The following PCGF2 variants were observed in gnomAD, a reference collection of about 807,000 sequenced individuals.
PCGF2 encodes polycomb group ring finger 2.
A neutral mutation model predicts 36.1 loss-of-function variants in PCGF2; 8 were observed. The ratio of observed to expected loss-of-function variants is 0.22; its 90% CI spans 0.13 to 0.40. PCGF2 has a LOEUF of 0.40. Among genes scored for constraint, PCGF2 ranks in the 10% least tolerant of loss-of-function variants. The pLI is 1.00. For synonymous variants in PCGF2, 198 were observed against 191.2 expected, an observed-to-expected ratio of 1.04 and a Z score of -0.29; for missense variants, 436 against 475.9, an observed-to-expected ratio of 0.92 and a Z score of 0.78.
chr17:38,740,027 G>A (rs1015530054), intron 3 of PCGF2, among the ~76,000 whole-genome samples: 17 of 152,222 alleles, frequency 1.1e-4, no homozygotes, highest in African/African-American at 3.6e-4. Flanking sequence ...GGGTGTCCGC[G>A]TCTTCAGGGC....
chr17:38,735,450 G>T lies in PCGF2; in HGVS notation c.808C>A (p.Pro270Thr). ...SDKAPSPATL[P>T]ATSSSLPSPA... The stretch of plus-strand genomic sequence containing the variant: ...CTGGGCAGGGAGGAGGAGGTGGCTG[G>T]CAGGGTGGCAGGGCTGGGAGCCTTG... The change falls in exon 11 of 11, where the codon CCA becomes ACA. Residue 270 changes from proline to threonine, a missense_variant. Pro to Thr is a conservative substitution (Grantham distance 38). This residue lies in a region of PCGF2 where 227 missense variants were observed against 212.9 expected (regional missense o/e 1.07). Coordinates refer to ENST00000620225, the MANE Select transcript of PCGF2 (RefSeq NM_007144.3). The T allele has an allele frequency of 6.3e-7, 1 of 1,586,578 alleles. No homozygotes were observed. Among genetic ancestry groups the T allele is most frequent in the Non-Finnish European group, 8.6e-7 (1 of 1,166,180 alleles).
rs746398641 is a variant in PCGF2, at chr17:38,735,496, G to T, written c.762C>A (p.Ser254=). The T allele has an allele frequency of 1.3e-6, 2 of 1,593,638 alleles. 1 individual carries two copies. Among genetic ancestry groups the T allele is most frequent in the South Asian group, 2.3e-5 (2 of 88,024 alleles). Residue 254 remains serine (S), a synonymous_variant, in exon 11 of 11, where the codon TCC becomes TCA. Transcript: ENST00000620225. ...CCTTGTCGCTGACTGACTCACACTC[G>T]GACGCCCCGCTGGTGTTGGTGCCCT... ...PSEGTNTSGA[S]ECESVSDKAP... is the part of the protein sequence containing the mutation.
rs1055123650 is a variant in PCGF2, at chr17:38,734,011, CA to C, written c.*1211del. The C allele has an allele frequency of 1.3e-5, 2 of 152,830 alleles. No individual in the cohort carries two copies. The highest frequency in any genetic ancestry group is 4.8e-5 in the African/African-American group (2 of 41,448). The allele number at this position is 152,830 out of a possible 1,614,324, so 9.5% of individuals were successfully genotyped here. ...AAGGTGCAAACACAGACAAGCCCAT[CA>C]GGGGGCTCCCAACCCCACACACCTA... On this transcript the variant is annotated 3_prime_UTR_variant, in exon 11 of 11. Coordinates refer to ENST00000620225, the MANE Select transcript of PCGF2 (RefSeq NM_007144.3).
At chr17:38,744,563 C>T (rs1598021347) in intron 2 of PCGF2, among the ~76,000 whole-genome samples, 3 of 152,240 alleles carry the variant, frequency 2.0e-5, no homozygotes, top group Admixed American at 2.0e-4. Flanking sequence ...ACCATGTTGG[C>T]CAGGCTGGTT....
rs143754873 is a variant in PCGF2, at chr17:38,741,976, G to A, written c.-40-1534C>T. ...TCCCACTGTCTCCTGCCCTGGTGAC[G>A]CCTCTGCCACCTGTTCACAGGCTGT... On this transcript the variant is annotated intron_variant, in intron 2 of 10. Coordinates refer to ENST00000620225, the MANE Select transcript of PCGF2 (RefSeq NM_007144.3). Among the ~76,000 whole-genome samples, 506 of 152,116 alleles carry A rather than the reference G, an allele frequency of 3.3e-3. 3 individuals carry two copies. The highest frequency in any genetic ancestry group is 9.7e-3 in the African/African-American group (403 of 41,474).
upstream of PCGF2, chr17:38,749,792 T>A (rs1274035972): frequency 2.4e-5 from 11 of 452,566 alleles, no homozygotes; most frequent in Non-Finnish European, 4.4e-5. The surrounding 1 kb of genome is among the most constrained non-coding windows in gnomAD (Gnocchi z 6.5). Flanking sequence ...GGCCGCCGAG[T>A]GACCCCAGCT....
intron 9 of PCGF2, among the ~76,000 whole-genome samples, chr17:38,737,994 T>C (rs920058416): frequency 2.0e-5 from 3 of 151,306 alleles, no homozygotes; most frequent in South Asian, 4.2e-4. Flanking sequence ...GGGACACATA[T>C]ACATTCAAGC....
At chr17:38,736,651 G>A (rs548853549) in intron 9 of PCGF2, among the ~76,000 whole-genome samples, 8 of 152,070 alleles carry the variant, frequency 5.3e-5, no homozygotes, top group South Asian at 4.2e-4. Context: ...TGGCTAACGT[G>A]GTGAAACCCC....
intron 2 of PCGF2, among the ~76,000 whole-genome samples, chr17:38,744,870 C>T (rs1330457856): frequency 1.3e-5 from 2 of 152,206 alleles, no homozygotes; most frequent in East Asian, 3.8e-4. Flanking sequence ...AAAAGTCACT[C>T]AAGGTCACAT....
rs1421398404 is a variant in PCGF2, at chr17:38,739,936, T to G, written c.113-254A>C. ...CAGCCCTGAGTCCCAAGCTCCCCGATGGAGTGGGGGACAAAAGCCAGCGTG... is the reference window on the plus strand; with the variant it reads ...CAGCCCTGAGTCCCAAGCTCCCCGAGGGAGTGGGGGACAAAAGCCAGCGTG... On this transcript the variant is annotated intron_variant, in intron 3 of 10. Coordinates refer to ENST00000620225, the MANE Select transcript of PCGF2 (RefSeq NM_007144.3). The surrounding 1 kb of genome is among the most constrained non-coding windows in gnomAD (Gnocchi z 4.0). Among the ~76,000 whole-genome samples, 1 of 152,046 alleles carries G rather than the reference T, an allele frequency of 6.6e-6. No individual in the cohort carries two copies. The highest frequency in any genetic ancestry group is 2.4e-5 in the African/African-American group (1 of 41,372).
At position 38,739,505 on chromosome 17, in the gene PCGF2, G is replaced by C; in HGVS notation, c.209+81C>G. 1 of 1,184,672 alleles carries C rather than the reference G, an allele frequency of 8.4e-7. No individual in the cohort carries two copies. The highest frequency in any genetic ancestry group is 2.3e-5 in the East Asian group (1 of 42,984). 73.4% of individuals were successfully genotyped at this position (1,184,672 alleles called of 1,614,324 possible). On this transcript the variant is annotated intron_variant, in intron 4 of 10. Transcript: ENST00000620225. This position sits in a 1 kb window ranked among gnomAD's most constrained non-coding sequence, Gnocchi z 4.0. The stretch of plus-strand genomic sequence containing the variant: ...TTCTCCTACACCTGCCGCCTTGGCT[G>C]AAGGAAGCACGGAGCGTGGGAGGGA...
At chr17:38,736,253 C>A in intron 9 of PCGF2, 83 bp from the exon 10 acceptor site, 1 of 801,136 alleles carries the variant, frequency 1.2e-6, no homozygotes, top group Non-Finnish European at 2.1e-6. Flanking sequence ...GGAGGCGGGG[C>A]AATGGGAAGG....
chr17:38,739,388 G>A lies in PCGF2; in HGVS notation c.210-135C>T. 2.1e-6 allele frequency: 2 copies of A among 937,740 alleles called. No individual in the cohort carries two copies. The highest frequency in any genetic ancestry group is 1.4e-5 in the South Asian group (1 of 73,964). The allele number at this position is 937,740 out of a possible 1,614,324, so 58.1% of individuals were successfully genotyped here. On this transcript the variant is annotated intron_variant, in intron 4 of 10. Transcript: ENST00000620225. The surrounding 1 kb of genome is among the most constrained non-coding windows in gnomAD (Gnocchi z 4.0). Reference sequence around the variant, plus strand: ...GTGCCCAGGCATTAGGATCCCTGTGGGTCTGGTCTTTGCCCCTCTAGTATG... The same window carrying A: ...GTGCCCAGGCATTAGGATCCCTGTGAGTCTGGTCTTTGCCCCTCTAGTATG...
At chr17:38,740,827 C>G (rs898098371) in intron 2 of PCGF2, among the ~76,000 whole-genome samples, 1 of 152,104 alleles carries the variant, frequency 6.6e-6, no homozygotes, top group Non-Finnish European at 1.5e-5. Context: ...ACACCTCCCC[C>G]CACCAGCACA....
At chr17:38,743,426 GC>G (rs1907332050) in intron 2 of PCGF2, among the ~76,000 whole-genome samples, 1 of 151,682 alleles carries the variant, frequency 6.6e-6, no homozygotes, top group African/African-American at 2.4e-5. Flanking sequence ...ACAGCCGAGA[GC>G]CCCACACTGC....
rs1283542236 is a variant in PCGF2 at position 38,738,342 on chromosome 17, C to T, written c.576+11G>A. 2.0e-5 allele frequency: 32 copies of T among 1,610,644 alleles called. No individual in the cohort carries two copies. Among genetic ancestry groups the T allele is most frequent in the Non-Finnish European group, 2.6e-5 (31 of 1,177,018 alleles). On this transcript the variant is annotated intron_variant, in intron 9 of 10. Coordinates refer to ENST00000620225, the MANE Select transcript of PCGF2 (RefSeq NM_007144.3). ...ACAGACACTCATTTTTTGAAAGGCC[C>T]AGGGACCCACCTTGTACTTGCTGGG...
intron 9 of PCGF2, 86 bp from the exon 10 acceptor site, chr17:38,736,256 TG>T (rs1906714380): frequency 1.3e-6 from 1 of 775,982 alleles, no homozygotes; most frequent in African/African-American, 1.7e-5. Context: ...GGCGGGGCAA[TG>T]GGAAGGGTGG....
rs745436910 is a variant in PCGF2, at chr17:38,740,278, C to T, written c.112+13G>A. 4 of 1,608,548 alleles carry T rather than the reference C, an allele frequency of 2.5e-6. No individual in the cohort carries two copies. Among genetic ancestry groups the T allele is most frequent in the Non-Finnish European group, 3.4e-6 (4 of 1,174,988 alleles). ...GCTGCCCACCCTGAGCAGCTCCCCTCCCCCCAACTCACAGGAATGCAGGCA... is the reference window on the plus strand; with the variant it reads ...GCTGCCCACCCTGAGCAGCTCCCCTTCCCCCAACTCACAGGAATGCAGGCA... On this transcript the variant is annotated intron_variant, in intron 3 of 10. Transcript: ENST00000620225.
At chr17:38,749,096 G>A (rs1907753251), upstream of PCGF2, among the ~76,000 whole-genome samples, 1 of 152,206 alleles carries the variant, frequency 6.6e-6, no homozygotes, top group South Asian at 2.1e-4. This position sits in a 1 kb window ranked among gnomAD's most constrained non-coding sequence, Gnocchi z 6.5. Context: ...AGAGAAGAAC[G>A]GAGGCCCGCT....
Sources: allele counts gnomAD v4.1 joint callset (sites outside exome capture counted in the v4.1 genomes callset), GRCh38; gene constraint gnomAD v4.1.1; regional missense constraint gnomAD v4.1.1; non-coding constraint Gnocchi (gnomAD v3.1); transcripts MANE v1.5; gene names NCBI Gene and HGNC (gene_info 2026-07-23, HGNC 2026-07-21).